The following EDARADD variants were observed in gnomAD, a reference collection of about 807,000 sequenced individuals.
EDARADD encodes the protein ectodysplasin-A receptor-associated adapter protein.
EDARADD carries 20 observed loss-of-function variants against 25.6 expected under a neutral mutation model. The observed-to-expected ratio is 0.78, with a 90% CI of 0.55 to 1.14. The LOEUF (loss-of-function observed/expected upper bound fraction) is 1.14, where lower values mean the gene tolerates loss of function less well. Among genes scored for constraint, EDARADD ranks in the 50% most tolerant of loss-of-function variants. EDARADD has a pLI of 0.00. For synonymous variants in EDARADD, 86 were observed against 94.4 expected (o/e 0.91, Z 0.52); for missense variants, 225 against 270.1 (o/e 0.83, Z 1.17).
intron 3 of EDARADD, among the ~76,000 whole-genome samples, chr1:236,361,077 A>G (rs998977214): frequency 6.6e-6 from 1 of 152,228 alleles, no homozygotes; most frequent in Admixed American, 6.5e-5. Flanking sequence ...ATTGACATAC[A>G]GTTGACACAC....
At chr1:236,444,650 C>T (rs974805317) in intron 4 of EDARADD, among the ~76,000 whole-genome samples, 1 of 152,184 alleles carries the variant, frequency 6.6e-6, no homozygotes, top group Non-Finnish European at 1.5e-5. Flanking sequence ...TCTTGAACTC[C>T]TGACCTCAGG....
At chr1:236,445,000 G>C (rs1658494828) in intron 4 of EDARADD, among the ~76,000 whole-genome samples, 1 of 151,828 alleles carries the variant, frequency 6.6e-6, no homozygotes. Flanking sequence ...ATGGTATTGT[G>C]TTTTAGATGC....
chr1:236,393,434 C>T (rs368855210), upstream of EDARADD, among the ~76,000 whole-genome samples: 4 of 109,012 alleles, frequency 3.7e-5, no homozygotes, highest in African/African-American at 1.5e-4. Flanking sequence ...CTCACTCTGT[C>T]GCCCAGGCTG....
chr1:236,370,825 T>C (rs1353621228), intron 3 of EDARADD, among the ~76,000 whole-genome samples: 1 of 152,218 alleles, frequency 6.6e-6, no homozygotes, highest in African/African-American at 2.4e-5. Context: ...TAATTTATAA[T>C]CTTGTGGCTA....
chr1:236,415,737 C>G (rs1187038355), intron 3 of EDARADD, among the ~76,000 whole-genome samples: 1 of 152,186 alleles, frequency 6.6e-6, no homozygotes, highest in East Asian at 1.9e-4. Flanking sequence ...GAGCCACCCA[C>G]TGCACCTGGG....
chr1:236,405,781 CTTTCTTTCTTTTCTT>C (rs1667705959), intron 1 of EDARADD, among the ~76,000 whole-genome samples: 2 of 63,356 alleles, frequency 3.2e-5, no homozygotes, highest in African/African-American at 6.2e-5. Context: ...TTCTTTCTTT[CTTTCTTTCTTTTCTT>C]TTTCTTTCTT....
chr1:236,405,790 T>TTTCTTTTTCTTTCTTTC (rs750188716), intron 1 of EDARADD, among the ~76,000 whole-genome samples: 3 of 49,560 alleles, frequency 6.1e-5, no homozygotes, highest in Admixed American at 2.3e-4. Context: ...TCTTTCTTTC[T>TTTCTTTTTCTTTCTTTC]TTTCTTTTTC....
intron 4 of EDARADD, among the ~76,000 whole-genome samples, chr1:236,467,416 A>C (rs1659227529): frequency 1.1e-5 from 1 of 94,968 alleles, no homozygotes; most frequent in African/African-American, 5.3e-5. Flanking sequence ...CATGGGAAGC[A>C]CACACACGCG....
intron 5 of EDARADD, among the ~76,000 whole-genome samples, chr1:236,475,237 C>T (rs991507912): frequency 2.0e-5 from 3 of 152,152 alleles, no homozygotes; most frequent in African/African-American, 7.2e-5. Context: ...AAGTCTTTCT[C>T]TCCCCTCTCC....
At chr1:236,422,330 G>A (rs540021773) in intron 3 of EDARADD, among the ~76,000 whole-genome samples, 2 of 152,194 alleles carry the variant, frequency 1.3e-5, no homozygotes, top group African/African-American at 4.8e-5. Context: ...TTCTGCTGAA[G>A]CCTTGTATGG....
intron 3 of EDARADD, among the ~76,000 whole-genome samples, chr1:236,368,849 T>C (rs2695050): frequency 0.3 from 45,530 of 151,930 alleles, 7,212 homozygotes; most frequent in African/African-American, 0.41. Flanking sequence ...TTATAGTACT[T>C]GCTTTCTGTA....
chr1:236,470,532 A>T (rs1659331206), intron 5 of EDARADD, among the ~76,000 whole-genome samples: 4 of 152,222 alleles, frequency 2.6e-5, no homozygotes. Flanking sequence ...GTTAATTTTA[A>T]TCAGGCTTCT....
At chr1:236,377,188 C>T (rs955629477) in intron 3 of EDARADD, among the ~76,000 whole-genome samples, 1 of 150,588 alleles carries the variant, frequency 6.6e-6, no homozygotes. Context: ...CAGAGTCTTG[C>T]TCTGTCACCC....
intron 4 of EDARADD, among the ~76,000 whole-genome samples, chr1:236,456,022 C>T (rs1658852790): frequency 6.6e-6 from 1 of 152,166 alleles, no homozygotes; most frequent in Non-Finnish European, 1.5e-5. Flanking sequence ...ATCTGCTGAC[C>T]TTGTAATCCG....
rs1659273260 is a variant in EDARADD, at chr1:236,468,349, G to A, written c.265+73G>A. The A allele has an allele frequency of 2.3e-5, 35 of 1,512,130 alleles. 1 individual carries two copies. In the South Asian group the frequency reaches 3.4e-4, roughly 15 times the overall value. The allele number at this position is 1,512,130 out of a possible 1,614,324, so 93.7% of individuals were successfully genotyped here. A position where few individuals can be genotyped will look rare whatever the true frequency, so the allele number is the denominator to read the frequency against. On this transcript the variant is annotated intron_variant, in intron 5 of 5. Transcript: ENST00000334232. ...GAATAAAAGATAATTTGAGGCCAGGGTCGGTGACTCATGCCTGTAATTCCA... is the reference window on the plus strand; with the variant it reads ...GAATAAAAGATAATTTGAGGCCAGGATCGGTGACTCATGCCTGTAATTCCA...
In EDARADD at chr1:236,436,128, A is replaced by AC. The variant is rs562644931; in HGVS notation, c.219+8682dup. ...AGACCAGCCTGGGCAATAAAGTGAGACCCCATCTCTATTAAAAAAAAAAAT... is the reference window on the plus strand; with the variant it reads ...AGACCAGCCTGGGCAATAAAGTGAGACCCCCATCTCTATTAAAAAAAAAAAT... On this transcript the variant is annotated intron_variant, in intron 4 of 5. Transcript: ENST00000334232. 1.4e-3 allele frequency among the ~76,000 whole-genome samples: 212 copies of AC among 150,260 alleles called. 1 individual carries two copies. Among genetic ancestry groups the AC allele is most frequent in the Non-Finnish European group, 1.8e-3 (119 of 67,602 alleles).
chr1:236,365,544 C>G (rs917693505), intron 3 of EDARADD, among the ~76,000 whole-genome samples: 2 of 151,954 alleles, frequency 1.3e-5, no homozygotes, highest in African/African-American at 4.8e-5. Flanking sequence ...TGGCCTCAAG[C>G]AATCCTCCCA....
At chr1:236,367,181 T>C (rs748318855) in intron 3 of EDARADD, among the ~76,000 whole-genome samples, 13 of 151,632 alleles carry the variant, frequency 8.6e-5, no homozygotes, top group Non-Finnish European at 1.5e-4. Flanking sequence ...ATACCTCCAG[T>C]TCCTGTTATC....
At chr1:236,392,220 A>G (rs78151760), upstream of EDARADD, among the ~76,000 whole-genome samples, 52 of 152,320 alleles carry the variant, frequency 3.4e-4, no homozygotes, top group African/African-American at 1.2e-3. Flanking sequence ...GACTTCTTAT[A>G]ACTAAGGCAA....
Sources: gnomAD v4.1 joint callset for allele counts (sites outside exome capture counted in the v4.1 genomes callset) on GRCh38, gnomAD v4.1.1 for gene constraint, MANE v1.5 for transcripts, NCBI Gene and HGNC (gene_info 2026-07-23, HGNC 2026-07-21) for gene names.